GPSM2: variants seen among roughly 807,000 people sequenced by gnomAD.
GPSM2 encodes the protein G protein signaling modulator 2.
GPSM2 carries 58 observed loss-of-function variants against 78.4 expected under a neutral mutation model. The ratio of observed to expected loss-of-function variants is 0.74; its 90% confidence interval spans 0.60 to 0.92. The LOEUF (loss-of-function observed/expected upper bound fraction) is 0.92, where lower values mean the gene tolerates loss of function less well. Among genes scored for constraint, GPSM2 ranks in the 40% least tolerant of loss-of-function variants. The probability of loss-of-function intolerance (pLI) is 0.00; values close to 1 mark genes in which losing one functional copy is unlikely to be tolerated. For missense variants in GPSM2, 700 were observed against 815.5 expected (o/e 0.86, Z 1.73); for synonymous variants, 224 against 280.2 (o/e 0.80, Z 2.00).
rs766996221 is a variant in GPSM2, at chr1:108,914,402, A to G, written c.1257A>G (p.Pro419=). 6.2e-7 allele frequency: 1 copy of G among 1,605,492 alleles called. No individual in the cohort carries two copies. Among genetic ancestry groups the G allele is most frequent in the South Asian group, 1.1e-5 (1 of 90,644 alleles). Reference sequence around the variant, plus strand: ...ATATGGAACTTATGAAGTTAACACCAGAAAAGGTGGGTGGCAGGTTTTATG... The same window carrying G: ...ATATGGAACTTATGAAGTTAACACCGGAAAAGGTGGGTGGCAGGTTTTATG... ...MENMELMKLT[P]EKVQNWNSEI... The change falls in exon 11 of 15, where the codon CCA becomes CCG. Residue 419 remains proline, a synonymous_variant. Coordinates refer to ENST00000264126, the MANE Select transcript of GPSM2 (RefSeq NM_013296.5).
At position 108,933,821 on chromosome 1, in the gene GPSM2, C is replaced by G. The variant is rs1652410828; in HGVS notation, c.*3881C>G. The stretch of plus-strand genomic sequence containing the variant: ...CTCTTCTTCCTCATCATGGTATTCT[C>G]TATGTATAGATCTCTAAAAATGCAA... On this transcript the variant is annotated 3_prime_UTR_variant, in exon 15 of 15. Transcript: ENST00000264126. The G allele has an allele frequency of 6.6e-6, 1 of 152,146 alleles. No individual in the cohort carries two copies. Among genetic ancestry groups the G allele is most frequent in the African/African-American group, 2.4e-5 (1 of 41,430 alleles). 9.4% of individuals were successfully genotyped at this position (152,146 alleles called of 1,614,324 possible). A position where few individuals can be genotyped will look rare whatever the true frequency, so the allele number is the denominator to read the frequency against.
intron 10 of GPSM2, among the ~76,000 whole-genome samples, chr1:108,911,265 C>T (rs534523888): frequency 3.3e-5 from 5 of 152,234 alleles, no homozygotes; most frequent in East Asian, 3.9e-4. Context: ...TGGTAGGTCA[C>T]GCCTGTAATC....
At chr1:108,901,477 T>C (rs1383199420) in intron 7 of GPSM2, among the ~76,000 whole-genome samples, 2 of 152,214 alleles carry the variant, frequency 1.3e-5, no homozygotes, top group Non-Finnish European at 2.9e-5. Context: ...AAAGGGAAAG[T>C]TTTTTTAAAT....
chr1:108,881,907 T>A (rs943853805), intron 1 of GPSM2, among the ~76,000 whole-genome samples: 2 of 152,208 alleles, frequency 1.3e-5, no homozygotes, highest in Non-Finnish European at 2.9e-5. Flanking sequence ...ATTTTATAAT[T>A]GCAAAATTTA....
intron 2 of GPSM2, among the ~76,000 whole-genome samples, chr1:108,888,802 G>C (rs546170738): frequency 6.6e-6 from 1 of 152,138 alleles, no homozygotes; most frequent in African/African-American, 2.4e-5. Flanking sequence ...AATAGTTCAC[G>C]TTAGGAAGGT....
At chr1:108,881,414 A>G (rs141277016) in intron 1 of GPSM2, among the ~76,000 whole-genome samples, 1 of 152,334 alleles carries the variant, frequency 6.6e-6, no homozygotes, top group African/African-American at 2.4e-5. Context: ...CCTAATGATC[A>G]AATTTGTAAT....
chr1:108,896,954 T>A lies in GPSM2; in HGVS notation c.147T>A (p.Ala49=). The part of the protein sequence containing the change: ...DCRAGVSFFE[A]AVQVGTEDLK... ...GCGCTGGCGTGTCATTCTTTGAAGC[T>A]GCAGTTCAAGTTGGAACTGAAGACC... Residue 49 remains alanine, a synonymous_variant, in exon 3 of 15, where the codon GCT becomes GCA. Transcript: ENST00000264126. The A allele has an allele frequency of 6.2e-7, 1 of 1,614,158 alleles. No homozygotes were observed. The highest frequency in any genetic ancestry group is 2.2e-5 in the East Asian group (1 of 44,888).
chr1:108,911,002 T>C (rs1649693812), intron 10 of GPSM2, among the ~76,000 whole-genome samples: 1 of 152,200 alleles, frequency 6.6e-6, no homozygotes, highest in Non-Finnish European at 1.5e-5. Context: ...AATAGTTCTA[T>C]TTCATTAGAA....
intron 14 of GPSM2, among the ~76,000 whole-genome samples, chr1:108,929,151 A>G (rs1051403494): frequency 2.6e-5 from 4 of 152,166 alleles, no homozygotes; most frequent in Admixed American, 6.5e-5. Flanking sequence ...GCCATTTAGT[A>G]GGGAAGCAGC....
In GPSM2 at chr1:108,907,703, A is replaced by G. The variant is rs143113691; in HGVS notation, c.1192+3449A>G. The stretch of plus-strand genomic sequence containing the variant: ...CCAGGCACTGATTTAAGTGCTTTAC[A>G]TGTTTTAACTCATTTAATTGTAACA... On this transcript the variant is annotated intron_variant, in intron 10 of 14. Transcript: ENST00000264126. Among the ~76,000 whole-genome samples the G allele has an allele frequency of 2.7e-4, 41 of 152,326 alleles. No individual in the cohort carries two copies. The East Asian group carries it at 5.4e-3, about 20-fold the overall frequency.
intron 10 of GPSM2, among the ~76,000 whole-genome samples, chr1:108,905,039 T>G (rs1649113469): frequency 6.6e-6 from 1 of 152,122 alleles, no homozygotes; most frequent in Non-Finnish European, 1.5e-5. Context: ...TACCTTTACT[T>G]TTTCCAATTT....
At chr1:108,884,889 ATT>A (rs1387266169) in intron 1 of GPSM2, among the ~76,000 whole-genome samples, 2 of 152,216 alleles carry the variant, frequency 1.3e-5, no homozygotes, top group Non-Finnish European at 2.9e-5. Context: ...GAAGAAATAA[ATT>A]TACTGAGTTT....
chr1:108,907,609 CAA>C (rs1173625944), intron 10 of GPSM2, among the ~76,000 whole-genome samples: 5 of 151,700 alleles, frequency 3.3e-5, no homozygotes, highest in Non-Finnish European at 5.9e-5. Context: ...GAAATGAAAA[CAA>C]GAGAATAACA....
At position 108,922,548 on chromosome 1, in the gene GPSM2, TTCC is replaced by T. The variant is rs2101543253; in HGVS notation, c.1573_1575del (p.Ser525del). On this transcript the variant is annotated inframe_deletion, in exon 13 of 15. Transcript: ENST00000264126. Reference sequence around the variant, plus strand: ...GCCATACAGCTTCAACAACAACTTCTTCCACTCCCCCTAAAATGATGCTAAAAA... The same window carrying T: ...GCCATACAGCTTCAACAACAACTTCTACTCCCCCTAAAATGATGCTAAAAA... 6.5e-7 allele frequency: 1 copy of T among 1,534,340 alleles called. No individual in the cohort carries two copies.
At chr1:108,889,816 G>A (rs1398877966) in intron 2 of GPSM2, among the ~76,000 whole-genome samples, 1 of 152,042 alleles carries the variant, frequency 6.6e-6, no homozygotes, top group African/African-American at 2.4e-5. Context: ...TAATACCTAG[G>A]GTGGCTCCTA....
rs182564195 is a variant in GPSM2 at position 108,920,231 on chromosome 1, G to A, written c.1440+1442G>A. ...TACCTGTAATCCCAGCACTTCGGGAGGCCAAGGCAGGCGGATCACTTGAAG... is the reference window on the plus strand; with the variant it reads ...TACCTGTAATCCCAGCACTTCGGGAAGCCAAGGCAGGCGGATCACTTGAAG... On this transcript the variant is annotated intron_variant, in intron 12 of 14. Coordinates refer to ENST00000264126, the MANE Select transcript of GPSM2 (RefSeq NM_013296.5). 2.9e-3 allele frequency among the ~76,000 whole-genome samples: 447 copies of A among 152,160 alleles called. 3 individuals carry two copies. Among genetic ancestry groups the A allele is most frequent in the African/African-American group, 9.9e-3 (410 of 41,502 alleles).
Position 108,904,248 on chromosome 1 carries a change from T to G in GPSM2, c.1186T>G (p.Leu396Val). The change falls in exon 10 of 15, where the codon TTG (leucine) becomes GTG (valine). Residue 396 changes from leucine (L) to valine (V), a missense_variant. Physicochemically the swap from Leu to Val is conservative, Grantham distance 32. Coordinates refer to ENST00000264126, the MANE Select transcript of GPSM2 (RefSeq NM_013296.5). ...MSENTEIDSS[L>V]NGVRPKLGRR... The stretch of plus-strand genomic sequence containing the variant: ...TGAAAATACTGAAATTGATAGCAGT[T>G]TGAATGGTAAGTAATAGGACTTTTA... The G allele has an allele frequency of 6.3e-7, 1 of 1,591,516 alleles. No homozygotes were observed. The highest frequency in any genetic ancestry group is 8.6e-7 in the Non-Finnish European group (1 of 1,160,680).
At chr1:108,917,334 G>A (rs541175544) in intron 11 of GPSM2, among the ~76,000 whole-genome samples, 108 of 151,856 alleles carry the variant, frequency 7.1e-4, no homozygotes, top group African/African-American at 2.5e-3. Flanking sequence ...TTGGGAGGCC[G>A]AGGCGGGTGG....
At chr1:108,908,909 T>C (rs756801725) in intron 10 of GPSM2, among the ~76,000 whole-genome samples, 1 of 151,736 alleles carries the variant, frequency 6.6e-6, no homozygotes, top group Non-Finnish European at 1.5e-5. Context: ...GAAGCTGAGG[T>C]GGGAGGATCA....
Sources: gnomAD v4.1 joint callset for allele counts (sites outside exome capture counted in the v4.1 genomes callset) on GRCh38, gnomAD v4.1.1 for gene constraint, MANE v1.5 for transcripts, NCBI Gene and HGNC (gene_info 2026-07-23, HGNC 2026-07-21) for gene names.